KIAA1217: variants seen among roughly 807,000 people sequenced by gnomAD.
KIAA1217 encodes the protein sickle tail protein homolog.
In KIAA1217, 88 loss-of-function variants were observed where a neutral mutation model predicts 163.9. That is an observed-to-expected ratio of 0.54 (90% CI 0.45 to 0.64). The LOEUF is 0.64. KIAA1217 is among the 30% of genes least tolerant of loss of function. The pLI, the probability that KIAA1217 is intolerant of heterozygous loss-of-function variation, is 0.00. For synonymous variants in KIAA1217, 903 were observed against 923.1 expected, an observed-to-expected ratio of 0.98 and a Z score of 0.39; for missense variants, 2,372 against 2,475.0, an observed-to-expected ratio of 0.96 and a Z score of 0.88.
At chr10:24,404,412 C>T (rs946466147) in intron 3 of KIAA1217, among the ~76,000 whole-genome samples, 1 of 151,806 alleles carries the variant, frequency 6.6e-6, no homozygotes, top group Non-Finnish European at 1.5e-5. Context: ...ACTAAAAATA[C>T]AAAAATCAGC....
intron 2 of KIAA1217, chr10:24,255,365 G>T (rs1048849700): frequency 1.5e-5 from 5 of 328,606 alleles, no homozygotes; most frequent in East Asian, 2.0e-4. Context: ...TCAGGGGTGC[G>T]TCAGGCCTGC....
intron 8 of KIAA1217, among the ~76,000 whole-genome samples, chr10:24,501,033 T>C (rs1592448767): frequency 6.6e-6 from 1 of 151,928 alleles, no homozygotes; most frequent in African/African-American, 2.4e-5. Context: ...TGCAAACCTG[T>C]GTGTTTAAAA....
At chr10:23,963,969 C>T (rs1214852143) in intron 1 of KIAA1217, among the ~76,000 whole-genome samples, 7 of 151,030 alleles carry the variant, frequency 4.6e-5, no homozygotes, top group Non-Finnish European at 8.8e-5. Flanking sequence ...TCTTGGCTCA[C>T]TGCAACCTCC....
At chr10:23,804,102 ATTG>A (rs1338119876) in intron 1 of KIAA1217, among the ~76,000 whole-genome samples, 10 of 152,166 alleles carry the variant, frequency 6.6e-5, no homozygotes, top group African/African-American at 2.4e-4. Context: ...ATAGACATGG[ATTG>A]TTGTTGTTAT....
At chr10:23,862,298 T>C (rs1199523778) in intron 1 of KIAA1217, among the ~76,000 whole-genome samples, 2 of 152,196 alleles carry the variant, frequency 1.3e-5, no homozygotes, top group Admixed American at 1.3e-4. Context: ...GGAATTTTAA[T>C]GCACAGATTA....
At chr10:24,405,005 G>A (rs1190093855) in intron 3 of KIAA1217, among the ~76,000 whole-genome samples, 1 of 152,228 alleles carries the variant, frequency 6.6e-6, no homozygotes, top group African/African-American at 2.4e-5. Context: ...TTTGAATACA[G>A]AGGGGTAGCA....
At chr10:23,921,998 T>A (rs1461816941) in intron 1 of KIAA1217, among the ~76,000 whole-genome samples, 1 of 152,050 alleles carries the variant, frequency 6.6e-6, no homozygotes, top group Non-Finnish European at 1.5e-5. Flanking sequence ...GAGTTGCAGT[T>A]GCCAGAGGTA....
intron 1 of KIAA1217, among the ~76,000 whole-genome samples, chr10:23,901,297 A>G (rs1841945314): frequency 6.6e-6 from 1 of 152,118 alleles, no homozygotes; most frequent in African/African-American, 2.4e-5. Flanking sequence ...GTCAGCATCT[A>G]TGTCTTAACC....
At chr10:24,155,402 T>C (rs1464182422) in intron 2 of KIAA1217, among the ~76,000 whole-genome samples, 3 of 152,184 alleles carry the variant, frequency 2.0e-5, no homozygotes, top group Non-Finnish European at 4.4e-5. Flanking sequence ...CACATATTCA[T>C]ATTATACACA....
At chr10:24,517,038 C>G (rs1001633058) in intron 10 of KIAA1217, among the ~76,000 whole-genome samples, 3 of 151,918 alleles carry the variant, frequency 2.0e-5, no homozygotes, top group African/African-American at 7.3e-5. Flanking sequence ...TAAACCCTAG[C>G]CGATCATGGT....
In KIAA1217 at chr10:23,833,951, G is replaced by T. The variant is rs915361806; in HGVS notation, c.-321+138717G>T. 2.6e-5 allele frequency among the ~76,000 whole-genome samples: 4 copies of T among 152,030 alleles called. No individual in the cohort carries two copies. In the East Asian group the frequency reaches 7.7e-4, roughly 29 times the overall value. ...GTTTCATAGTTTATTGTTGTGGGTG[G>T]TTTATAAACATAGTTTATATGGATT... On this transcript the variant is annotated intron_variant, in intron 1 of 18. Coordinates refer to the KIAA1217 transcript ENST00000376462.
Position 24,232,547 on chromosome 10 carries a change from G to C in KIAA1217, c.354+12638G>C, listed in dbSNP as rs1443547152. On this transcript the variant is annotated intron_variant, in intron 2 of 20. Transcript: ENST00000376454. ...GAAGTCTAGCTAGGCAGTGTCAGGA[G>C]ACACCTGGAAAGTGGTAGTCAGCTA... Among the ~76,000 whole-genome samples, 3 of 152,148 alleles carry C rather than the reference G, an allele frequency of 2.0e-5. No individual in the cohort carries two copies. The East Asian group carries it at 5.8e-4, about 29-fold the overall frequency.
chr10:24,423,815 C>G (rs2131596915), intron 3 of KIAA1217, among the ~76,000 whole-genome samples: 1 of 152,248 alleles, frequency 6.6e-6, no homozygotes, highest in African/African-American at 2.4e-5. Context: ...GGATTACAGG[C>G]ATGAGCCACA....
intron 1 of KIAA1217, among the ~76,000 whole-genome samples, chr10:23,826,878 T>G (rs77263228): frequency 0.025 from 3,861 of 152,274 alleles, 164 homozygotes; most frequent in African/African-American, 0.087. Context: ...CACTCATGGT[T>G]GTTGAGAGTC....
At chr10:24,497,195 A>C (rs1324684094) in intron 8 of KIAA1217, among the ~76,000 whole-genome samples, 1 of 152,224 alleles carries the variant, frequency 6.6e-6, no homozygotes, top group Non-Finnish European at 1.5e-5. Context: ...ATTATATAGA[A>C]GTCAAGGAAC....
intron 1 of KIAA1217, among the ~76,000 whole-genome samples, chr10:23,795,085 A>T (rs753889571): frequency 1.1e-4 from 16 of 152,076 alleles, no homozygotes; most frequent in Admixed American, 3.3e-4. Context: ...ACAGAATACC[A>T]CCTCTTTCTC....
chr10:24,096,234 A>G (rs899149403), intron 2 of KIAA1217, among the ~76,000 whole-genome samples: 1 of 152,224 alleles, frequency 6.6e-6, no homozygotes, highest in Non-Finnish European at 1.5e-5. Flanking sequence ...CTAAAAGCTT[A>G]GACATTATCC....
intron 2 of KIAA1217, among the ~76,000 whole-genome samples, chr10:24,143,333 C>A (rs141765466): frequency 2.6e-3 from 403 of 152,296 alleles, no homozygotes; most frequent in African/African-American, 9.1e-3. Context: ...GTGGCACGAT[C>A]TCAACTCACT....
chr10:23,982,358 G>A (rs1845801429), intron 1 of KIAA1217, among the ~76,000 whole-genome samples: 1 of 152,088 alleles, frequency 6.6e-6, no homozygotes, highest in Non-Finnish European at 1.5e-5. Context: ...TAAACACTGT[G>A]TTTTTCCCCG....
Sources: allele counts gnomAD v4.1 joint callset (sites outside exome capture counted in the v4.1 genomes callset), GRCh38; gene constraint gnomAD v4.1.1; transcripts MANE v1.5; gene names NCBI Gene and HGNC (gene_info 2026-07-23, HGNC 2026-07-21).